ZNF638: variants seen among roughly 807,000 people sequenced by gnomAD.
ZNF638 encodes zinc finger protein 638, also known as CTCL tumor antigen se33-1.
A neutral mutation model predicts 195.6 loss-of-function variants in ZNF638; 46 were observed. That is an observed-to-expected ratio of 0.24 (90% CI 0.19 to 0.30). ZNF638 has a LOEUF of 0.30. Ranked by LOEUF, ZNF638 falls within the 10% of genes least tolerant of loss-of-function variation. ZNF638 has a pLI of 1.00. For missense variants in ZNF638, 2,440 were observed against 2,325.3 expected (o/e 1.05, Z -1.01); for synonymous variants, 845 against 772.0 (o/e 1.09, Z -1.57).
At position 71,416,762 on chromosome 2, in the gene ZNF638, TG is replaced by T. The variant is rs556344298; in HGVS notation, c.3262-1834del. Reference sequence around the variant, plus strand: ...GTGTGAGGTGTCAGTGTGCCCCTGCTGGGGGGTGCCTCCCAGTTAGGCTGCT... The same window carrying T: ...GTGTGAGGTGTCAGTGTGCCCCTGCTGGGGGTGCCTCCCAGTTAGGCTGCT... On this transcript the variant is annotated intron_variant, in intron 20 of 27. Transcript: ENST00000264447. Among the ~76,000 whole-genome samples, 5 of 83,772 alleles carry T rather than the reference TG, an allele frequency of 6.0e-5. No individual in the cohort carries two copies. In the South Asian group the frequency reaches 2.4e-3, roughly 41 times the overall value. 55.0% of individuals were successfully genotyped at this position (83,772 alleles called of 152,430 possible). A position where few individuals can be genotyped will look rare whatever the true frequency, so the allele number is the denominator to read the frequency against.
intron 20 of ZNF638, among the ~76,000 whole-genome samples, chr2:71,410,528 T>C (rs1053684729): frequency 1.2e-4 from 18 of 152,154 alleles, no homozygotes; most frequent in Non-Finnish European, 2.6e-4. Flanking sequence ...AATATTTATC[T>C]AATTCCTTTT....
intron 17 of ZNF638, among the ~76,000 whole-genome samples, chr2:71,404,730 C>A (rs2152577113): frequency 6.6e-6 from 1 of 152,234 alleles, no homozygotes. Flanking sequence ...AACAAACAGA[C>A]CTCCTCCTGG....
At chr2:71,396,946 CAAAT>C (rs2079905894) in intron 11 of ZNF638, among the ~76,000 whole-genome samples, 2 of 151,924 alleles carry the variant, frequency 1.3e-5, no homozygotes, top group South Asian at 2.1e-4. Context: ...GACTCTGTCT[CAAAT>C]AAATAAACAA....
chr2:71,350,035 A>G lies in ZNF638; in HGVS notation c.1081A>G (p.Asn361Asp), dbSNP rs199650109. The G allele has an allele frequency of 1.1e-4, 170 of 1,614,206 alleles. 1 individual carries two copies. Among genetic ancestry groups the G allele is most frequent in the Non-Finnish European group, 1.2e-5 (14 of 1,180,050 alleles). ...IPHEPVINSS[N>D]VHVGSRGSKK... ...ACATGAACCTGTGATTAATTCATCT[A>G]ACGTACATGTTGGATCAAGAGGAAG... The change falls in exon 2 of 28, where the codon AAC becomes GAC. Residue 361 changes from asparagine to aspartate, a missense_variant. Physicochemically the swap from Asn to Asp is conservative, Grantham distance 23. Coordinates refer to ENST00000264447, the MANE Select transcript of ZNF638 (RefSeq NM_014497.5).
At chr2:71,365,855 C>T in intron 6 of ZNF638, 149 bp downstream of exon 6, 1 of 790,336 alleles carries the variant, frequency 1.3e-6, no homozygotes, top group Non-Finnish European at 2.0e-6. Flanking sequence ...AAGTAGCTGG[C>T]ACCACAGGCG....
chr2:71,351,177 G>A (rs1309310775), intron 2 of ZNF638, among the ~76,000 whole-genome samples: 1 of 152,202 alleles, frequency 6.6e-6, no homozygotes, highest in Non-Finnish European at 1.5e-5. Context: ...GCCATGGCCT[G>A]GAATTGGTTG....
At chr2:71,366,985 A>T (rs957539045) in intron 6 of ZNF638, among the ~76,000 whole-genome samples, 1 of 152,184 alleles carries the variant, frequency 6.6e-6, no homozygotes, top group Non-Finnish European at 1.5e-5. Flanking sequence ...TCAAGTATTT[A>T]GGTATGGAAT....
intron 24 of ZNF638, 85 bp downstream of exon 24, chr2:71,427,499 CAAT>C: frequency 1.0e-6 from 1 of 999,724 alleles, no homozygotes; most frequent in South Asian, 1.9e-5. Flanking sequence ...GTGGCATTAC[CAAT>C]AATGTCACCC....
chr2:71,426,062 G>A (rs1000196278), intron 23 of ZNF638, among the ~76,000 whole-genome samples: 6 of 152,124 alleles, frequency 3.9e-5, no homozygotes, highest in African/African-American at 1.4e-4. Context: ...CTATATTTGA[G>A]GTGCTTTTAG....
intron 10 of ZNF638, among the ~76,000 whole-genome samples, chr2:71,382,140 T>C (rs1297141578): frequency 6.6e-6 from 1 of 152,062 alleles, no homozygotes; most frequent in Admixed American, 6.5e-5. Flanking sequence ...TTACTAAGAG[T>C]GCGATGATAT....
chr2:71,376,974 T>C (rs2079440352), intron 8 of ZNF638, among the ~76,000 whole-genome samples: 1 of 152,184 alleles, frequency 6.6e-6, no homozygotes, highest in Admixed American at 6.5e-5. Context: ...TTCGAAAGTT[T>C]TCTTTAAAGT....
rs1274617263 is a variant in ZNF638, at chr2:71,402,847, T to C, written c.2829+760T>C. ...ACGTTAGAGAGGAGTTGGTAGTCAC[T>C]AGAGATCTTTGAAAGTAGAATAGGA... On this transcript the variant is annotated intron_variant, in intron 16 of 27. Coordinates refer to ENST00000264447, the MANE Select transcript of ZNF638 (RefSeq NM_014497.5). Among the ~76,000 whole-genome samples, 3 of 152,148 alleles carry C rather than the reference T, an allele frequency of 2.0e-5. No homozygotes were observed. In the East Asian group the frequency reaches 5.8e-4, roughly 29 times the overall value.
At chr2:71,364,975 A>G (rs2079171105) in intron 5 of ZNF638, among the ~76,000 whole-genome samples, 1 of 152,182 alleles carries the variant, frequency 6.6e-6, no homozygotes, top group Non-Finnish European at 1.5e-5. Flanking sequence ...AAATGTGTGG[A>G]AGAAGGTACT....
intron 10 of ZNF638, among the ~76,000 whole-genome samples, chr2:71,392,281 C>T (rs1247185387): frequency 6.6e-6 from 1 of 152,178 alleles, no homozygotes; most frequent in Non-Finnish European, 1.5e-5. Context: ...TCCCTCATAC[C>T]TAAAGCTTTA....
rs770051414 is a variant in ZNF638 at position 71,364,133 on chromosome 2, ACAGATC to A, written c.1612_1617del (p.Arg540_Ser541del). The A allele has an allele frequency of 2.8e-5, 46 of 1,614,042 alleles. No homozygotes were observed. Among genetic ancestry groups the A allele is most frequent in the Non-Finnish European group, 3.8e-5 (45 of 1,180,028 alleles). On this transcript the variant is annotated inframe_deletion, in exon 5 of 28. Transcript: ENST00000264447. The stretch of plus-strand genomic sequence containing the variant: ...ATTTGCCATCGTTTCATTTCTAGAT[ACAGATC>A]CAGATCCAGATCCCGTTCACCATAT...
At chr2:71,383,714 G>A (rs1330145854) in intron 10 of ZNF638, among the ~76,000 whole-genome samples, 1 of 149,252 alleles carries the variant, frequency 6.7e-6, no homozygotes, top group Non-Finnish European at 1.5e-5. Flanking sequence ...TGGGATTACG[G>A]GTATGCGACA....
At position 71,417,672 on chromosome 2, in the gene ZNF638, TTCTC is replaced by T. The variant is rs561480428; in HGVS notation, c.3262-926_3262-923del. Among the ~76,000 whole-genome samples, 39 of 152,244 alleles carry T rather than the reference TTCTC, an allele frequency of 2.6e-4. No individual in the cohort carries two copies. The South Asian group carries it at 7.5e-3, about 29-fold the overall frequency. ...GATACCATGCAGGGTTTTTTTTTTT[TTCTC>T]TCTAATAAACTTTTCTCCTTAATGG... On this transcript the variant is annotated intron_variant, in intron 20 of 27. Coordinates refer to ENST00000264447, the MANE Select transcript of ZNF638 (RefSeq NM_014497.5).
chr2:71,355,651 TA>T, intron 2 of ZNF638, 67 bp from the exon 3 acceptor site: 1 of 1,062,962 alleles, frequency 9.4e-7, no homozygotes, highest in Admixed American at 2.5e-5. Context: ...TTGTCTTTTT[TA>T]AAAGCCTAAT....
intron 1 of ZNF638, among the ~76,000 whole-genome samples, chr2:71,339,167 T>TA (rs2078721553): frequency 7.0e-6 from 1 of 142,730 alleles, no homozygotes; most frequent in Non-Finnish European, 1.5e-5. Context: ...TTTTTTTTTT[T>TA]TATTGAGACG....
Sources: gnomAD v4.1 joint callset for allele counts (sites outside exome capture counted in the v4.1 genomes callset) on GRCh38, gnomAD v4.1.1 for gene constraint, MANE v1.5 for transcripts, NCBI Gene and HGNC (gene_info 2026-07-23, HGNC 2026-07-21) for gene names.